Variants in COG6 observed in about 807,000 individuals in gnomAD.
COG6 encodes the protein component of oligomeric golgi complex 6, also known as conserved oligomeric Golgi complex subunit 6.
Under a neutral mutation model 88.8 loss-of-function variants are expected in COG6, and 74 were observed. The observed-to-expected ratio is 0.83, with a 90% CI of 0.69 to 1.01. The LOEUF (loss-of-function observed/expected upper bound fraction) is 1.01. Ranked by LOEUF, COG6 falls within the 50% of genes least tolerant of loss-of-function variation. The pLI, the probability that COG6 is intolerant of heterozygous loss-of-function variation, is 0.00. For synonymous variants in COG6, 286 were observed against 278.7 expected, an observed-to-expected ratio of 1.03 and a Z score of -0.26; for missense variants, 800 against 797.9, an observed-to-expected ratio of 1.00 and a Z score of -0.03.
intron 11 of COG6, among the ~76,000 whole-genome samples, 185 bp downstream of exon 11, chr13:39,690,009 A>T (rs1261988675): frequency 6.6e-6 from 1 of 151,986 alleles, no homozygotes; most frequent in Non-Finnish European, 1.5e-5. Context: ...TGAGAAAGAA[A>T]ATTGGAAATA....
chr13:39,752,719 A>G (rs1399545590), downstream of COG6: 1 of 1,111,596 alleles, frequency 9.0e-7, no homozygotes, highest in Non-Finnish European at 1.1e-6. Context: ...GAAATACAAC[A>G]TAGGGCAAAA....
At chr13:39,660,052 A>G (rs1473913085) in intron 2 of COG6, among the ~76,000 whole-genome samples, 1 of 152,152 alleles carries the variant, frequency 6.6e-6, no homozygotes, top group Admixed American at 6.6e-5. Flanking sequence ...ATACATTGTA[A>G]TACTAATATA....
chr13:39,668,104 C>T (rs906823378), intron 4 of COG6, among the ~76,000 whole-genome samples: 4 of 91,960 alleles, frequency 4.3e-5, no homozygotes, highest in African/African-American at 1.3e-4. Context: ...TTTTACATTA[C>T]GATTCATGTA....
At chr13:39,700,970 A>G (rs940979450) in intron 13 of COG6, among the ~76,000 whole-genome samples, 3 of 151,936 alleles carry the variant, frequency 2.0e-5, no homozygotes, top group Non-Finnish European at 2.9e-5. Flanking sequence ...GAACATGAGT[A>G]TGAGTTACCT....
In COG6 at chr13:39,690,716, C is replaced by T. The variant is rs779067925; in HGVS notation, c.1074+892C>T. 3.3e-5 allele frequency among the ~76,000 whole-genome samples: 5 copies of T among 152,030 alleles called. No individual in the cohort carries two copies. In the East Asian group the frequency reaches 9.6e-4, roughly 29 times the overall value. ...TCAGGCAAGGAAATCTCAGATGACA[C>T]ACTTGGTGACAATTGATTATATTGA... is the stretch of plus-strand genomic sequence containing the variant. On this transcript the variant is annotated intron_variant, in intron 11 of 18. Coordinates refer to ENST00000455146, the MANE Select transcript of COG6 (RefSeq NM_020751.3).
intron 16 of COG6, 46 bp from the exon 17 acceptor site, chr13:39,724,462 C>T: frequency 4.2e-6 from 6 of 1,425,426 alleles, no homozygotes; most frequent in Non-Finnish European, 5.8e-6. Context: ...TGTATATCTC[C>T]TTTTTTACAT....
chr13:39,695,399 G>A (rs967840949), intron 12 of COG6, among the ~76,000 whole-genome samples: 12 of 151,696 alleles, frequency 7.9e-5, no homozygotes, highest in Admixed American at 5.3e-4. Flanking sequence ...AACTCTCACT[G>A]TAAGACTGTT....
At chr13:39,759,150 T>C (rs1022290646) in intron 18 of COG6, among the ~76,000 whole-genome samples, 1 of 152,208 alleles carries the variant, frequency 6.6e-6, no homozygotes, top group African/African-American at 2.4e-5. Context: ...GTGATGATGA[T>C]TGCACAGCAT....
chr13:39,701,396 A>T (rs1454514519), intron 13 of COG6, among the ~76,000 whole-genome samples: 1 of 151,924 alleles, frequency 6.6e-6, no homozygotes, highest in African/African-American at 2.4e-5. Context: ...AGAGTTTTAC[A>T]TATAAGAGAT....
intron 18 of COG6, among the ~76,000 whole-genome samples, chr13:39,778,971 A>G (rs1881549277): frequency 6.6e-6 from 1 of 152,202 alleles, no homozygotes; most frequent in Non-Finnish European, 1.5e-5. Context: ...CTTCCACCAT[A>G]TGCTTTTTAT....
intron 18 of COG6, among the ~76,000 whole-genome samples, chr13:39,771,078 T>C (rs546672591): frequency 6.6e-6 from 1 of 152,134 alleles, no homozygotes; most frequent in African/African-American, 2.4e-5. Flanking sequence ...ATCAGGTCCA[T>C]GCAGACACGT....
rs747232819 is a variant in COG6, at chr13:39,751,080, C to T, written c.1961C>T (p.Thr654Met). 3.8e-5 allele frequency: 61 copies of T among 1,613,464 alleles called. No homozygotes were observed. Among genetic ancestry groups the T allele is most frequent in the Middle Eastern group, 3.3e-4 (2 of 6,082 alleles). The change falls in exon 19 of 19, where the codon ACG (threonine) becomes ATG (methionine). Residue 654 changes from threonine (T) to methionine (M), a missense_variant. Coordinates refer to ENST00000455146, the MANE Select transcript of COG6 (RefSeq NM_020751.3). ...CACCGATCGCCGCAGCAAGTGCAGA[C>T]GCTTCTTTCCTGATTATCTTATTTC... Reference protein sequence around the residue: ...ILHRSPQQVQTLLS With the variant: ...ILHRSPQQVQMLLS
chr13:39,727,620 A>C, intron 18 of COG6, 72 bp downstream of exon 18: 1 of 1,116,464 alleles, frequency 9.0e-7, no homozygotes, highest in South Asian at 1.2e-5. Context: ...TTTTTTTGGA[A>C]AAAAATTTAT....
At chr13:39,732,769 A>G (rs527296028) in intron 18 of COG6, among the ~76,000 whole-genome samples, 4 of 152,350 alleles carry the variant, frequency 2.6e-5, no homozygotes, top group African/African-American at 9.6e-5. Context: ...GATAATACTA[A>G]GCAGTCTAAC....
At chr13:39,768,702 C>A (rs977656652) in intron 18 of COG6, among the ~76,000 whole-genome samples, 1 of 151,946 alleles carries the variant, frequency 6.6e-6, no homozygotes. Context: ...GTTGTAATTA[C>A]GTGATATCTG....
At chr13:39,685,098 T>C (rs1038724895) in intron 8 of COG6, among the ~76,000 whole-genome samples, 1 of 152,196 alleles carries the variant, frequency 6.6e-6, no homozygotes, top group African/African-American at 2.4e-5. Flanking sequence ...TTTAATTTGC[T>C]TTTTGATAAA....
Position 39,727,543 on chromosome 13 carries a change from A to C in COG6, c.1821A>C (p.Thr607=), listed in dbSNP as rs1378956054. ...AGCTGAACTTTCTTCTAAGTGCCAC[A>C]GTGAAGTAAGTATTTTTGGTCCCAA... ...IPQLNFLLSA[T]VKEQIVKQST... The change falls in exon 18 of 19, where the codon ACA becomes ACC. Residue 607 remains threonine (T), a synonymous_variant. Coordinates refer to ENST00000455146, the MANE Select transcript of COG6 (RefSeq NM_020751.3). 6.2e-7 allele frequency: 1 copy of C among 1,610,186 alleles called. No individual in the cohort carries two copies. The highest frequency in any genetic ancestry group is 8.5e-7 in the Non-Finnish European group (1 of 1,176,560).
chr13:39,656,045 G>A, intron 1 of COG6, 166 bp downstream of exon 1: 1 of 875,168 alleles, frequency 1.1e-6, no homozygotes, highest in Non-Finnish European at 1.9e-6. Flanking sequence ...GCCGGGGGCG[G>A]TGAGAAGGGG....
chr13:39,710,121 A>G (rs916342409), intron 13 of COG6, among the ~76,000 whole-genome samples: 5 of 152,162 alleles, frequency 3.3e-5, no homozygotes, highest in Admixed American at 2.0e-4. Context: ...AAGATTTCCA[A>G]TTTATGAATA....
Sources: gnomAD v4.1 joint callset for allele counts (sites outside exome capture counted in the v4.1 genomes callset) on GRCh38, gnomAD v4.1.1 for gene constraint, MANE v1.5 for transcripts, NCBI Gene and HGNC (gene_info 2026-07-23, HGNC 2026-07-21) for gene names.